Variants in ACVR1B observed in about 807,000 individuals in gnomAD.
ACVR1B encodes activin A receptor type 1B, also known as activin receptor type-1B.
ACVR1B carries 15 observed loss-of-function variants against 55.6 expected under a neutral mutation model. The ratio of observed to expected loss-of-function variants is 0.27; its 90% CI spans 0.18 to 0.42. The LOEUF (loss-of-function observed/expected upper bound fraction) is 0.42. Ranked by LOEUF, ACVR1B falls within the 10% of genes least tolerant of loss-of-function variation. The probability of loss-of-function intolerance (pLI) is 1.00; values close to 1 mark genes in which losing one functional copy is unlikely to be tolerated. For synonymous variants in ACVR1B, 247 were observed against 254.6 expected, an observed-to-expected ratio of 0.97 and a Z score of 0.28; for missense variants, 359 against 670.1, an observed-to-expected ratio of 0.54 and a Z score of 5.13.
chr12:51,959,751 TA>T (rs1444956251), intron 1 of ACVR1B, among the ~76,000 whole-genome samples: 2 of 152,188 alleles, frequency 1.3e-5, no homozygotes, highest in Non-Finnish European at 2.9e-5. Context: ...CACTCACATA[TA>T]AAAATAAATC....
chr12:51,982,877 A>G, intron 4 of ACVR1B: 1 of 1,380,546 alleles, frequency 7.2e-7, no homozygotes, highest in Non-Finnish European at 9.4e-7. Context: ...TAAAAGGATC[A>G]AATCATGTCT....
At chr12:51,952,115 C>T (rs1282527644) in intron 1 of ACVR1B, among the ~76,000 whole-genome samples, 2 of 152,020 alleles carry the variant, frequency 1.3e-5, no homozygotes, top group South Asian at 2.1e-4. Flanking sequence ...CTCCCAGCGC[C>T]CTCGTGTTCC....
intron 1 of ACVR1B, among the ~76,000 whole-genome samples, chr12:51,952,286 C>A (rs930561660): frequency 5.3e-5 from 8 of 152,116 alleles, no homozygotes; most frequent in African/African-American, 1.9e-4. Flanking sequence ...GGGGTCTTAG[C>A]CTCTCCGAGG....
intron 7 of ACVR1B, chr12:51,987,526 A>G (rs781588849): frequency 8.6e-5 from 17 of 197,588 alleles, no homozygotes; most frequent in Non-Finnish European, 1.1e-4. Context: ...GTATATCAGT[A>G]TTTTATGATA....
In ACVR1B at chr12:51,951,733, CGGT is replaced by C. The variant is rs779923195; in HGVS notation, c.-7_-5del. Reference sequence around the variant, plus strand: ...TGGGCTGCGGCGGCGGCGGCGGCGGCGGTGGTTACTATGGCGGAGTCGGCCGGA... The same window carrying C: ...TGGGCTGCGGCGGCGGCGGCGGCGGCGGTTACTATGGCGGAGTCGGCCGGA... On this transcript the variant is annotated 5_prime_UTR_variant, in exon 1 of 9. Coordinates refer to ENST00000257963, the MANE Select transcript of ACVR1B (RefSeq NM_004302.5). The C allele has an allele frequency of 2.7e-5, 31 of 1,128,900 alleles. No homozygotes were observed. The highest frequency in any genetic ancestry group is 2.1e-4 in the East Asian group (6 of 28,518). The allele number at this position is 1,128,900 out of a possible 1,614,324, so 69.9% of individuals were successfully genotyped here. A position where few individuals can be genotyped will look rare whatever the true frequency, so the allele number is the denominator to read the frequency against.
chr12:51,975,550 G>T, intron 2 of ACVR1B, 46 bp downstream of exon 2: 2 of 1,588,444 alleles, frequency 1.3e-6, no homozygotes, highest in South Asian at 2.2e-5. Flanking sequence ...TTGGAGATAG[G>T]GTACCCCGTC....
chr12:51,976,277 C>G, intron 2 of ACVR1B, 50 bp from the exon 3 acceptor site: 1 of 1,608,610 alleles, frequency 6.2e-7, no homozygotes, highest in Non-Finnish European at 8.5e-7. Flanking sequence ...TTTACTCTTT[C>G]CCTTGTTTTT....
At chr12:51,977,399 G>A (rs960739639) in intron 3 of ACVR1B, among the ~76,000 whole-genome samples, 1 of 152,150 alleles carries the variant, frequency 6.6e-6, no homozygotes, top group Non-Finnish European at 1.5e-5. Context: ...CCTGGTTCAA[G>A]TGATTCTCCT....
At chr12:51,963,505 T>A (rs1387954858) in intron 1 of ACVR1B, among the ~76,000 whole-genome samples, 1 of 152,254 alleles carries the variant, frequency 6.6e-6, no homozygotes, top group East Asian at 1.9e-4. Context: ...CCCAAAGTGC[T>A]GGGATTATAG....
chr12:51,982,453 A>G (rs991445809), intron 4 of ACVR1B, among the ~76,000 whole-genome samples: 6 of 152,166 alleles, frequency 3.9e-5, no homozygotes, highest in Non-Finnish European at 7.3e-5. Context: ...CACACATAAG[A>G]GCAAGACACA....
At chr12:51,983,294 A>C (rs1205750066) in intron 4 of ACVR1B, among the ~76,000 whole-genome samples, 1 of 152,168 alleles carries the variant, frequency 6.6e-6, no homozygotes, top group African/African-American at 2.4e-5. Flanking sequence ...TCCCTAGTGT[A>C]AAAGAGAAAA....
At chr12:51,958,632 A>G (rs1427961411) in intron 1 of ACVR1B, among the ~76,000 whole-genome samples, 2 of 150,116 alleles carry the variant, frequency 1.3e-5, no homozygotes, top group African/African-American at 4.9e-5. Flanking sequence ...TGGGGAACAG[A>G]GTGAGACTCC....
At chr12:51,959,375 T>A (rs1277629134) in intron 1 of ACVR1B, among the ~76,000 whole-genome samples, 1 of 152,236 alleles carries the variant, frequency 6.6e-6, no homozygotes, top group Non-Finnish European at 1.5e-5. Context: ...AACAGCCACA[T>A]GGCAAGGAAC....
intron 1 of ACVR1B, among the ~76,000 whole-genome samples, chr12:51,952,751 G>A (rs576855566): frequency 2.0e-5 from 3 of 152,104 alleles, no homozygotes; most frequent in Non-Finnish European, 4.4e-5. Flanking sequence ...TCCCACCACT[G>A]GACTGTATTC....
At position 51,996,830 on chromosome 12, in the gene ACVR1B, G is replaced by C. The variant is rs1942305644; in HGVS notation, c.*2720G>C. The C allele has an allele frequency of 6.6e-6, 1 of 152,608 alleles. No individual in the cohort carries two copies. The highest frequency in any genetic ancestry group is 2.1e-4 in the South Asian group (1 of 4,826). The allele number at this position is 152,608 out of a possible 1,614,324, so 9.5% of individuals were successfully genotyped here. Reference sequence around the variant, plus strand: ...GATCCATAGTGCTACCTGCACCTCTGGATTCTGGATTCACAGACCAAGTCC... The same window carrying C: ...GATCCATAGTGCTACCTGCACCTCTCGATTCTGGATTCACAGACCAAGTCC... On this transcript the variant is annotated 3_prime_UTR_variant, in exon 9 of 9. Coordinates refer to ENST00000257963, the MANE Select transcript of ACVR1B (RefSeq NM_004302.5).
At chr12:51,988,104 A>T (rs975263635) in intron 7 of ACVR1B, among the ~76,000 whole-genome samples, 1 of 152,234 alleles carries the variant, frequency 6.6e-6, no homozygotes, top group Non-Finnish European at 1.5e-5. Context: ...GTAAAATCCA[A>T]ATTATGGAAA....
chr12:51,991,753 A>G, intron 7 of ACVR1B, 110 bp from the exon 8 acceptor site: 3 of 1,194,198 alleles, frequency 2.5e-6, no homozygotes, highest in Non-Finnish European at 3.5e-6. Flanking sequence ...TTTCTAAGGA[A>G]CCTTAGGGGG....
At chr12:51,983,167 A>G (rs749572136) in intron 4 of ACVR1B, among the ~76,000 whole-genome samples, 3 of 152,162 alleles carry the variant, frequency 2.0e-5, no homozygotes, top group Non-Finnish European at 1.5e-5. Context: ...GCCAGCCTGG[A>G]ATTTTGGAGA....
At chr12:51,990,012 G>T (rs958756390) in intron 7 of ACVR1B, among the ~76,000 whole-genome samples, 13 of 151,670 alleles carry the variant, frequency 8.6e-5, no homozygotes, top group African/African-American at 2.9e-4. Context: ...GAACATTAGG[G>T]GTCAGGTGCG....
Sources: gnomAD v4.1 joint callset for allele counts (sites outside exome capture counted in the v4.1 genomes callset) on GRCh38, gnomAD v4.1.1 for gene constraint, MANE v1.5 for transcripts, NCBI Gene and HGNC (gene_info 2026-07-23, HGNC 2026-07-21) for gene names.